The following TENM3 variants were observed in gnomAD, a reference collection of about 807,000 sequenced individuals.
TENM3 encodes teneurin transmembrane protein 3, also known as teneurin-3.
A neutral mutation model predicts 255.1 loss-of-function variants in TENM3; 63 were observed. The observed-to-expected ratio is 0.25, with a 90% CI of 0.20 to 0.30. The LOEUF (loss-of-function observed/expected upper bound fraction) is 0.30, where lower values mean the gene tolerates loss of function less well. Ranked by LOEUF, TENM3 falls within the 10% of genes least tolerant of loss-of-function variation. The pLI is 1.00. For missense variants in TENM3, 2,929 were observed against 3,461.1 expected (o/e 0.85, Z 3.86); for synonymous variants, 1,306 against 1,322.3 (o/e 0.99, Z 0.27).
At chr4:182,567,641 C>G (rs756680825) in intron 3 of TENM3, among the ~76,000 whole-genome samples, 5 of 152,066 alleles carry the variant, frequency 3.3e-5, no homozygotes, top group Non-Finnish European at 7.4e-5. Flanking sequence ...CTTCTTCCTG[C>G]TTAACTCTCT....
chr4:181,470,543 G>A, the TENM3 span, among the ~76,000 whole-genome samples: 1 of 152,134 alleles, frequency 6.6e-6, no homozygotes, highest in Non-Finnish European at 1.5e-5. Flanking sequence ...TCCGAGAGCA[G>A]CACAACCTTA....
chr4:181,785,804 T>TCA, the TENM3 span, among the ~76,000 whole-genome samples: 2 of 139,472 alleles, frequency 1.4e-5, no homozygotes, highest in Non-Finnish European at 3.1e-5. Context: ...TTCTGTCTTG[T>TCA]CACACACACA....
chr4:182,302,238 T>C (rs555317328), intron 1 of TENM3, among the ~76,000 whole-genome samples: 1 of 152,296 alleles, frequency 6.6e-6, no homozygotes, highest in Admixed American at 6.5e-5. Flanking sequence ...CCTGTTCTCA[T>C]GTGTGTGATG....
At chr4:182,509,072 T>C (rs10032406) in intron 3 of TENM3, among the ~76,000 whole-genome samples, 5,603 of 152,350 alleles carry the variant, frequency 0.037, 233 homozygotes, top group African/African-American at 0.098. Context: ...ATTTTTAACA[T>C]ATTCACTCTA....
chr4:182,176,633 T>C (rs1294469217), intron 1 of TENM3, among the ~76,000 whole-genome samples: 1 of 152,092 alleles, frequency 6.6e-6, no homozygotes, highest in African/African-American at 2.4e-5. Context: ...GAACTCTTTT[T>C]ACATATAAAT....
chr4:181,540,371 C>T, the TENM3 span, among the ~76,000 whole-genome samples: 1 of 152,132 alleles, frequency 6.6e-6, no homozygotes, highest in Admixed American at 6.5e-5. Context: ...GTAGAAAATT[C>T]TAAATGATTT....
chr4:182,731,833 G>A (rs1471346317), intron 16 of TENM3, among the ~76,000 whole-genome samples: 3 of 150,528 alleles, frequency 2.0e-5, no homozygotes, highest in South Asian at 2.1e-4. Flanking sequence ...CCAGGCTGGA[G>A]TGCAGTGGCA....
intron 12 of TENM3, among the ~76,000 whole-genome samples, chr4:182,696,464 T>C (rs1579142993): frequency 2.0e-5 from 3 of 152,158 alleles, no homozygotes; most frequent in Non-Finnish European, 2.9e-5. Context: ...CAGTGGCTCA[T>C]GCCTGTAATC....
At chr4:182,714,270 G>A in intron 13 of TENM3, 37 bp downstream of exon 13, 1 of 1,365,326 alleles carries the variant, frequency 7.3e-7, no homozygotes, top group South Asian at 1.2e-5. Context: ...GTCTGTGCCA[G>A]AGCACAGGTT....
At chr4:182,042,708 TATTC>T in the TENM3 span, among the ~76,000 whole-genome samples, 1 of 152,210 alleles carries the variant, frequency 6.6e-6, no homozygotes, top group Non-Finnish European at 1.5e-5. Flanking sequence ...TTTTTGATGC[TATTC>T]ATTCAAAGAC....
chr4:182,403,064 A>G (rs549469130), intron 3 of TENM3, among the ~76,000 whole-genome samples: 44 of 152,314 alleles, frequency 2.9e-4, no homozygotes, highest in African/African-American at 1.0e-3. Context: ...TCACATAGCA[A>G]TTTTGTTCCA....
At chr4:182,301,236 T>C (rs1400336199) in intron 1 of TENM3, among the ~76,000 whole-genome samples, 1 of 152,242 alleles carries the variant, frequency 6.6e-6, no homozygotes, top group Non-Finnish European at 1.5e-5. Context: ...CTTACACTGT[T>C]CCATCACCCC....
At chr4:181,539,059 C>T in the TENM3 span, among the ~76,000 whole-genome samples, 278 of 152,274 alleles carry the variant, frequency 1.8e-3, no homozygotes, top group African/African-American at 6.3e-3. Context: ...ACTTATCGTT[C>T]CCTTTGTATT....
chr4:182,584,559 A>G (rs1321279518), intron 3 of TENM3, among the ~76,000 whole-genome samples: 1 of 152,234 alleles, frequency 6.6e-6, no homozygotes, highest in African/African-American at 2.4e-5. Flanking sequence ...TCCATCTTTT[A>G]TGCCAGCGAT....
chr4:182,722,155 A>C (rs1479889850), intron 13 of TENM3, among the ~76,000 whole-genome samples: 1 of 152,182 alleles, frequency 6.6e-6, no homozygotes, highest in African/African-American at 2.4e-5. Flanking sequence ...ACAGGATTTC[A>C]TATAATTTCT....
At chr4:181,462,369 C>A in the TENM3 span, among the ~76,000 whole-genome samples, 1 of 152,166 alleles carries the variant, frequency 6.6e-6, no homozygotes, top group Non-Finnish European at 1.5e-5. Flanking sequence ...TCTCCCTGAA[C>A]TCAGTTCTCT....
intron 1 of TENM3, among the ~76,000 whole-genome samples, chr4:182,176,243 A>T (rs930466685): frequency 6.6e-6 from 1 of 152,180 alleles, no homozygotes; most frequent in Non-Finnish European, 1.5e-5. Context: ...TGAGGGGCGG[A>T]GTAGCATACT....
the TENM3 span, among the ~76,000 whole-genome samples, chr4:181,675,417 A>G: frequency 6.6e-6 from 1 of 152,166 alleles, no homozygotes; most frequent in Admixed American, 6.6e-5. Context: ...TTTTTCACTA[A>G]TATGACTTAC....
intron 3 of TENM3, among the ~76,000 whole-genome samples, chr4:182,491,968 T>G (rs1435704296): frequency 6.6e-6 from 1 of 152,218 alleles, no homozygotes; most frequent in Admixed American, 6.5e-5. Context: ...AACAGGTACA[T>G]GCTAGCCCTC....
Sources: allele counts gnomAD v4.1 joint callset (sites outside exome capture counted in the v4.1 genomes callset), GRCh38; gene constraint gnomAD v4.1.1; transcripts MANE v1.5; gene names NCBI Gene and HGNC (gene_info 2026-07-23, HGNC 2026-07-21).